The following WNT3A variants were observed in gnomAD, a reference collection of about 807,000 sequenced individuals.
The protein encoded by WNT3A is Wnt family member 3A, also known as protein Wnt-3a.
In WNT3A, 17 loss-of-function variants were observed where a neutral mutation model predicts 37.0. The ratio of observed to expected loss-of-function variants is 0.46; its 90% CI spans 0.31 to 0.69. The LOEUF is 0.69. WNT3A is among the 30% of genes least tolerant of loss of function. WNT3A has a pLI of 0.05. For synonymous variants in WNT3A, 187 were observed against 211.0 expected, an observed-to-expected ratio of 0.89 and a Z score of 0.99; for missense variants, 411 against 510.2, an observed-to-expected ratio of 0.81 and a Z score of 1.87.
intron 1 of WNT3A, among the ~76,000 whole-genome samples, chr1:228,019,378 C>T (rs558249861): frequency 1.1e-4 from 16 of 152,338 alleles, no homozygotes; most frequent in Non-Finnish European, 2.1e-4. Context: ...CAGGCCAGTC[C>T]CTGTTTTGTA....
intron 2 of WNT3A, among the ~76,000 whole-genome samples, chr1:228,027,198 C>T (rs1337908749): frequency 6.6e-6 from 1 of 152,198 alleles, no homozygotes; most frequent in Non-Finnish European, 1.5e-5. Flanking sequence ...TAGGCTGGTT[C>T]CACATGTTTG....
At chr1:228,023,096 C>T (rs576258108) in intron 2 of WNT3A, among the ~76,000 whole-genome samples, 188 bp downstream of exon 2, 2 of 152,332 alleles carry the variant, frequency 1.3e-5, no homozygotes, top group South Asian at 2.1e-4. Flanking sequence ...TGGGGTTATT[C>T]GGGTATCCCT....
At chr1:228,026,233 T>C (rs562366063) in intron 2 of WNT3A, among the ~76,000 whole-genome samples, 1 of 152,292 alleles carries the variant, frequency 6.6e-6, no homozygotes, top group South Asian at 2.1e-4. Flanking sequence ...TTTCTACATA[T>C]AAATTGATGT....
chr1:228,022,100 T>A (rs898383690), intron 1 of WNT3A, among the ~76,000 whole-genome samples: 1 of 152,076 alleles, frequency 6.6e-6, no homozygotes, highest in Non-Finnish European at 1.5e-5. Context: ...CTAGAAAAAA[T>A]TAAATAGCCA....
At chr1:228,054,461 A>G (rs985461768) in intron 3 of WNT3A, among the ~76,000 whole-genome samples, 6 of 151,646 alleles carry the variant, frequency 4.0e-5, no homozygotes, top group African/African-American at 1.5e-4. Flanking sequence ...GGTCTCTACT[A>G]AAAAATAACA....
At position 228,008,544 on chromosome 1, in the gene WNT3A, C is replaced by T. The variant is rs2030272847; in HGVS notation, c.71+1345C>T. ...CCCCGCGCGCCCCTATTTCCGCGTG[C>T]CCCATTTCCCGTGCGGCACCTGCTG... On this transcript the variant is annotated intron_variant, in intron 1 of 3. Coordinates refer to ENST00000284523, the MANE Select transcript of WNT3A (RefSeq NM_033131.4). The surrounding 1 kb of genome is among the most constrained non-coding windows in gnomAD (Gnocchi z 4.9). Among the ~76,000 whole-genome samples, 1 of 152,044 alleles carries T rather than the reference C, an allele frequency of 6.6e-6. No homozygotes were observed. Among genetic ancestry groups the T allele is most frequent in the African/African-American group, 2.4e-5 (1 of 41,430 alleles).
At position 228,042,957 on chromosome 1, in the gene WNT3A, A is replaced by G. The variant is rs1215836060; in HGVS notation, c.314-7699A>G. ...GGATGGATGGTGAATGGATAGATGA[A>G]TTTATAAGTGGATACATGGTAGGTG... is the stretch of plus-strand genomic sequence containing the variant. On this transcript the variant is annotated intron_variant, in intron 2 of 3. Coordinates refer to ENST00000284523, the MANE Select transcript of WNT3A (RefSeq NM_033131.4). This position sits in a 1 kb window ranked among gnomAD's most constrained non-coding sequence, Gnocchi z 5.2. Among the ~76,000 whole-genome samples the G allele has an allele frequency of 6.6e-6, 1 of 151,346 alleles. No individual in the cohort carries two copies. Among genetic ancestry groups the G allele is most frequent in the African/African-American group, 2.4e-5 (1 of 41,140 alleles).
In WNT3A at chr1:228,042,487, G is replaced by A. The variant is rs2031307033; in HGVS notation, c.314-8169G>A. On this transcript the variant is annotated intron_variant, in intron 2 of 3. Transcript: ENST00000284523. The surrounding 1 kb of genome is among the most constrained non-coding windows in gnomAD (Gnocchi z 5.2). Reference sequence around the variant, plus strand: ...GAATGGTGATGGATGAATGGTGATGGATGGATTAGAGATGGACAGATGATG... The same window carrying A: ...GAATGGTGATGGATGAATGGTGATGAATGGATTAGAGATGGACAGATGATG... 6.6e-6 allele frequency among the ~76,000 whole-genome samples: 1 copy of A among 151,854 alleles called. No homozygotes were observed. Among genetic ancestry groups the A allele is most frequent in the Non-Finnish European group, 1.5e-5 (1 of 67,928 alleles).
chr1:228,050,917 G>A lies in WNT3A; in HGVS notation c.575G>A (p.Arg192His), dbSNP rs746228586. ...AMNRHNNEAG[R>H]QAIASHMHLK... is the part of the protein sequence containing the mutation. ...AACCGCCACAACAACGAGGCTGGGC[G>A]CCAGGTAGGTTCGCCGCCCGCAAGG... Residue 192 changes from arginine (R) to histidine (H), a missense_variant, in exon 3 of 4, where the codon CGC becomes CAC. Arg to His is a conservative substitution (Grantham distance 29). Coordinates refer to ENST00000284523, the MANE Select transcript of WNT3A (RefSeq NM_033131.4). This position sits in a 1 kb window ranked among gnomAD's most constrained non-coding sequence, Gnocchi z 5.0. 6.5e-7 allele frequency: 1 copy of A among 1,536,236 alleles called. No homozygotes were observed. Among genetic ancestry groups the A allele is most frequent in the Non-Finnish European group, 8.8e-7 (1 of 1,140,622 alleles).
intron 3 of WNT3A, among the ~76,000 whole-genome samples, chr1:228,053,889 T>G (rs981581107): frequency 1.3e-5 from 2 of 152,220 alleles, no homozygotes; most frequent in Non-Finnish European, 2.9e-5. Context: ...GTATGTCTAT[T>G]ATACTTCCAT....
intron 1 of WNT3A, among the ~76,000 whole-genome samples, chr1:228,014,700 G>A (rs2030475864): frequency 6.6e-6 from 1 of 152,254 alleles, no homozygotes; most frequent in Non-Finnish European, 1.5e-5. Flanking sequence ...ACCAAGCCGG[G>A]GAGGCCAGCG....
intron 2 of WNT3A, among the ~76,000 whole-genome samples, chr1:228,046,402 G>A (rs903687873): frequency 1.3e-5 from 2 of 152,068 alleles, no homozygotes; most frequent in Non-Finnish European, 2.9e-5. Flanking sequence ...GTGTGCATGT[G>A]TGTGGTGTGT....
chr1:228,023,039 G>A (rs967779331), intron 2 of WNT3A, 131 bp downstream of exon 2: 48 of 1,402,138 alleles, frequency 3.4e-5, no homozygotes, highest in Admixed American at 2.2e-4. Flanking sequence ...GGTCCTTCCC[G>A]CTTACCTCCA....
intron 3 of WNT3A, among the ~76,000 whole-genome samples, 197 bp from the exon 4 acceptor site, chr1:228,058,789 C>T (rs1248753299): frequency 6.6e-6 from 1 of 152,228 alleles, no homozygotes; most frequent in Non-Finnish European, 1.5e-5. Flanking sequence ...CCTGGGAAGG[C>T]TTGGGTCTGG....
At chr1:228,034,621 C>T (rs1241069877) in intron 2 of WNT3A, among the ~76,000 whole-genome samples, 1 of 152,118 alleles carries the variant, frequency 6.6e-6, no homozygotes, top group Non-Finnish European at 1.5e-5. Context: ...ACTTTGTTCA[C>T]ATAAATAAAT....
At position 228,040,000 on chromosome 1, in the gene WNT3A, C is replaced by T. The variant is rs1329439365; in HGVS notation, c.314-10656C>T. Among the ~76,000 whole-genome samples the T allele has an allele frequency of 6.6e-6, 1 of 152,218 alleles. No homozygotes were observed. The highest frequency in any genetic ancestry group is 1.5e-5 in the Non-Finnish European group (1 of 68,040). On this transcript the variant is annotated intron_variant, in intron 2 of 3. Transcript: ENST00000284523. The surrounding 1 kb of genome is among the most constrained non-coding windows in gnomAD (Gnocchi z 4.1). The stretch of plus-strand genomic sequence containing the variant: ...AGGAGCCCAGGAGTCCCAGGCTGTC[C>T]CTCTCCTCTCGCCCTGTATCAGCCC...
Position 228,050,959 on chromosome 1 carries a change from A to G in WNT3A, c.579+38A>G. The G allele has an allele frequency of 6.7e-7, 1 of 1,497,020 alleles. No homozygotes were observed. Among genetic ancestry groups the G allele is most frequent in the Non-Finnish European group, 8.9e-7 (1 of 1,126,614 alleles). 92.7% of individuals were successfully genotyped at this position (1,497,020 alleles called of 1,614,324 possible). On this transcript the variant is annotated intron_variant, in intron 3 of 3. Coordinates refer to ENST00000284523, the MANE Select transcript of WNT3A (RefSeq NM_033131.4). This position sits in a 1 kb window ranked among gnomAD's most constrained non-coding sequence, Gnocchi z 5.0. ...CCCGCAAGGGTGCTTGGGAAAAAGG[A>G]GCCTCCTCAGCAGGGTGTGTGCCCT... is the stretch of plus-strand genomic sequence containing the variant.
intron 2 of WNT3A, among the ~76,000 whole-genome samples, chr1:228,035,655 C>T (rs2031119445): frequency 6.6e-6 from 1 of 152,232 alleles, no homozygotes; most frequent in African/African-American, 2.4e-5. Flanking sequence ...CGCAGGCTCT[C>T]CAGGGGCAAG....
intron 2 of WNT3A, among the ~76,000 whole-genome samples, chr1:228,036,458 T>C (rs1190206027): frequency 6.6e-6 from 1 of 152,146 alleles, no homozygotes; most frequent in Non-Finnish European, 1.5e-5. Flanking sequence ...TTCATCCCCA[T>C]CTGCCGTCCA....
Sources: gnomAD v4.1 joint callset for allele counts (sites outside exome capture counted in the v4.1 genomes callset) on GRCh38, gnomAD v4.1.1 for gene constraint, Gnocchi (gnomAD v3.1) non-coding constraint, MANE v1.5 for transcripts, NCBI Gene and HGNC (gene_info 2026-07-23, HGNC 2026-07-21) for gene names.